CERS6: variants seen among roughly 807,000 people sequenced by gnomAD.
CERS6 encodes the protein LAG1 homolog, ceramide synthase 6.
CERS6 carries 26 observed loss-of-function variants against 56.8 expected under a neutral mutation model. The ratio of observed to expected loss-of-function variants is 0.46; its 90% CI spans 0.34 to 0.63. The LOEUF is 0.63. Ranked by LOEUF, CERS6 falls within the 30% of genes least tolerant of loss-of-function variation. CERS6 has a pLI of 0.01. For synonymous variants in CERS6, 164 were observed against 173.3 expected, an observed-to-expected ratio of 0.95 and a Z score of 0.42; for missense variants, 415 against 467.5, an observed-to-expected ratio of 0.89 and a Z score of 1.04.
intron 8 of CERS6, among the ~76,000 whole-genome samples, chr2:168,737,686 ATCT>A (rs1683758870): frequency 6.6e-6 from 1 of 152,212 alleles, no homozygotes; most frequent in African/African-American, 2.4e-5. Context: ...TATAATGTGC[ATCT>A]TCTTTTCAAA....
At chr2:168,745,067 A>G (rs1238306362) in intron 8 of CERS6, among the ~76,000 whole-genome samples, 2 of 152,214 alleles carry the variant, frequency 1.3e-5, no homozygotes, top group East Asian at 1.9e-4. Context: ...TTTGAAGCAT[A>G]TGAGACACAG....
chr2:168,768,761 C>T (rs886112639), intron 9 of CERS6, among the ~76,000 whole-genome samples: 4 of 151,766 alleles, frequency 2.6e-5, no homozygotes, highest in Non-Finnish European at 5.9e-5. Flanking sequence ...CAAAAATTAG[C>T]TGGGCATGGT....
intron 8 of CERS6, among the ~76,000 whole-genome samples, chr2:168,741,653 A>G (rs1397855794): frequency 2.0e-5 from 3 of 152,234 alleles, no homozygotes; most frequent in Non-Finnish European, 4.4e-5. Flanking sequence ...TGACTGTGTG[A>G]TGAAGCATGC....
In CERS6 at chr2:168,510,607, G is replaced by A. The variant is rs186606608; in HGVS notation, c.171-36989G>A. 9.8e-5 allele frequency among the ~76,000 whole-genome samples: 15 copies of A among 152,316 alleles called. No homozygotes were observed. In the East Asian group the frequency reaches 2.7e-3, roughly 27 times the overall value. On this transcript the variant is annotated intron_variant, in intron 1 of 9. Coordinates refer to ENST00000305747, the MANE Select transcript of CERS6 (RefSeq NM_203463.3). ...GCATGCCCTGATCGTTAAGTGAAGTGTGACTGTGTTGTCATCAATAAGTAT... is the reference window on the plus strand; with the variant it reads ...GCATGCCCTGATCGTTAAGTGAAGTATGACTGTGTTGTCATCAATAAGTAT...
At chr2:168,763,066 G>A (rs936531648) in intron 8 of CERS6, among the ~76,000 whole-genome samples, 7 of 151,978 alleles carry the variant, frequency 4.6e-5, no homozygotes, top group African/African-American at 1.7e-4. Context: ...TATGGAGATA[G>A]GGTCTCACTC....
intron 4 of CERS6, among the ~76,000 whole-genome samples, chr2:168,669,549 C>T (rs902321274): frequency 6.6e-6 from 1 of 152,124 alleles, no homozygotes; most frequent in Admixed American, 6.5e-5. Flanking sequence ...CAGCTCTGCT[C>T]AAGATAGATA....
At position 168,467,026 on chromosome 2, in the gene CERS6, TTTCC is replaced by T. The variant is rs1044918714; in HGVS notation, c.170+10411_170+10414del. Among the ~76,000 whole-genome samples the T allele has an allele frequency of 1.5e-4, 23 of 152,346 alleles. No homozygotes were observed. The East Asian group carries it at 4.0e-3, about 27-fold the overall frequency. On this transcript the variant is annotated intron_variant, in intron 1 of 9. Transcript: ENST00000305747. ...TGTGATTAAGATTGTATTTTCTTTC[TTTCC>T]TTTCCTCGATTCCTCCCCCACCTTC...
chr2:168,561,393 A>C, intron 3 of CERS6, 71 bp downstream of exon 3: 1 of 1,573,886 alleles, frequency 6.4e-7, no homozygotes, highest in Non-Finnish European at 8.7e-7. Context: ...GAAAAATAAA[A>C]GATCTGTGCA....
chr2:168,606,303 C>G (rs539581272), intron 3 of CERS6: 1 of 152,332 alleles, frequency 6.6e-6, no homozygotes, highest in Admixed American at 6.5e-5. Flanking sequence ...TGGCTAATTT[C>G]TCCCTTTTGG....
intron 1 of CERS6, among the ~76,000 whole-genome samples, chr2:168,473,767 T>G (rs1468375958): frequency 1.3e-5 from 2 of 152,228 alleles, no homozygotes; most frequent in African/African-American, 4.8e-5. Flanking sequence ...CAGTTCTCCA[T>G]TTTCACTGTT....
At chr2:168,563,569 G>A (rs972093152) in intron 3 of CERS6, among the ~76,000 whole-genome samples, 6 of 152,100 alleles carry the variant, frequency 3.9e-5, no homozygotes, top group African/African-American at 9.7e-5. Context: ...AGGCCGAGGC[G>A]GGCGGATCAT....
At chr2:168,732,180 T>C (rs1000055045) in intron 8 of CERS6, among the ~76,000 whole-genome samples, 1 of 152,174 alleles carries the variant, frequency 6.6e-6, no homozygotes, top group Non-Finnish European at 1.5e-5. Flanking sequence ...TTTAAGTAGA[T>C]GTTAAATTCC....
At chr2:168,716,109 T>C (rs1687221058) in intron 7 of CERS6, among the ~76,000 whole-genome samples, 1 of 152,120 alleles carries the variant, frequency 6.6e-6, no homozygotes, top group African/African-American at 2.4e-5. Context: ...GTTTGAGGTA[T>C]ATACAGCACT....
intron 4 of CERS6, among the ~76,000 whole-genome samples, chr2:168,661,219 G>A (rs1461418417): frequency 3.9e-5 from 6 of 152,140 alleles, no homozygotes; most frequent in Non-Finnish European, 8.8e-5. Flanking sequence ...GAATGAACAT[G>A]TTAGGAAAAG....
At chr2:168,725,293 C>T (rs943943655) in intron 8 of CERS6, among the ~76,000 whole-genome samples, 2 of 152,274 alleles carry the variant, frequency 1.3e-5, no homozygotes, top group African/African-American at 4.8e-5. Context: ...CCATACCTCC[C>T]TGCAAGCTGA....
chr2:168,649,350 A>G (rs527886148), intron 4 of CERS6, among the ~76,000 whole-genome samples: 203 of 152,122 alleles, frequency 1.3e-3, no homozygotes, highest in Non-Finnish European at 2.5e-3. Flanking sequence ...ATCACTGTCA[A>G]ATGGCCTCTC....
chr2:168,585,856 G>A (rs1683528758), intron 3 of CERS6, among the ~76,000 whole-genome samples: 1 of 152,148 alleles, frequency 6.6e-6, no homozygotes, highest in South Asian at 2.1e-4. Flanking sequence ...CCCCTTCCGG[G>A]CATCATTTCA....
chr2:168,556,058 A>C (rs1695673567), intron 2 of CERS6, among the ~76,000 whole-genome samples: 1 of 152,132 alleles, frequency 6.6e-6, no homozygotes, highest in Non-Finnish European at 1.5e-5. Flanking sequence ...CAAGCAAATC[A>C]ATATGTCATC....
Position 168,770,973 on chromosome 2 carries a change from A to G in CERS6, c.*1311A>G, listed in dbSNP as rs1684847889. 6.6e-6 allele frequency: 1 copy of G among 152,202 alleles called. No homozygotes were observed. The highest frequency in any genetic ancestry group is 1.5e-5 in the Non-Finnish European group (1 of 68,034). 9.4% of individuals were successfully genotyped at this position (152,202 alleles called of 1,614,324 possible). ...AAGAATAAGTTTCCATAAGTCTCCT[A>G]CATAGCAGTGTTATTTATGTACAGA... On this transcript the variant is annotated 3_prime_UTR_variant, in exon 10 of 10. Transcript: ENST00000305747.
Sources: allele counts gnomAD v4.1 joint callset (sites outside exome capture counted in the v4.1 genomes callset), GRCh38; gene constraint gnomAD v4.1.1; transcripts MANE v1.5; gene names NCBI Gene and HGNC (gene_info 2026-07-23, HGNC 2026-07-21).